FNBP1: variants seen among roughly 807,000 people sequenced by gnomAD.
The protein encoded by FNBP1 is formin binding protein 1.
In FNBP1, 26 loss-of-function variants were observed where a neutral mutation model predicts 90.6. The observed-to-expected ratio is 0.29, with a 90% CI of 0.21 to 0.40. The LOEUF is 0.40. Among genes scored for constraint, FNBP1 ranks in the 10% least tolerant of loss-of-function variants. The pLI is 1.00. For missense variants in FNBP1, 635 were observed against 768.0 expected (o/e 0.83, Z 2.05); for synonymous variants, 260 against 265.2 (o/e 0.98, Z 0.19).
At chr9:130,037,245 T>C (rs2059401296) in intron 1 of FNBP1, among the ~76,000 whole-genome samples, 1 of 151,336 alleles carries the variant, frequency 6.6e-6, no homozygotes, top group African/African-American at 2.4e-5. Context: ...CTGCAGCTAC[T>C]CAGGAGGCTG....
chr9:130,025,093 T>C (rs530588747), intron 1 of FNBP1, among the ~76,000 whole-genome samples: 4 of 151,914 alleles, frequency 2.6e-5, no homozygotes, highest in South Asian at 2.1e-4. Flanking sequence ...GGCAGGAGAA[T>C]TGCTTGAACC....
intron 15 of FNBP1, among the ~76,000 whole-genome samples, chr9:129,898,639 G>A (rs749986534): frequency 5.9e-5 from 9 of 152,058 alleles, no homozygotes; most frequent in African/African-American, 9.7e-5. Flanking sequence ...ACAGGCATGC[G>A]CTACCACGCT....
At chr9:129,995,592 A>G (rs1267753752) in intron 1 of FNBP1, among the ~76,000 whole-genome samples, 1 of 152,078 alleles carries the variant, frequency 6.6e-6, no homozygotes, top group African/African-American at 2.4e-5. Flanking sequence ...CATCTCTACA[A>G]AAACAATTTT....
intron 1 of FNBP1, among the ~76,000 whole-genome samples, chr9:130,017,730 T>G (rs2131830872): frequency 6.6e-6 from 1 of 151,588 alleles, no homozygotes; most frequent in African/African-American, 2.4e-5. Flanking sequence ...CTCTGGAGGC[T>G]AAGGCAGGAG....
At chr9:130,004,246 G>T (rs573275611) in intron 1 of FNBP1, among the ~76,000 whole-genome samples, 2 of 151,556 alleles carry the variant, frequency 1.3e-5, no homozygotes, top group South Asian at 4.2e-4. Flanking sequence ...CTGGGTGATA[G>T]GGCAAGACTC....
intron 6 of FNBP1, among the ~76,000 whole-genome samples, chr9:129,956,070 G>C (rs1044705312): frequency 2.6e-5 from 4 of 152,018 alleles, no homozygotes; most frequent in Non-Finnish European, 5.9e-5. Flanking sequence ...ATGGGGTCTC[G>C]TTATGTTGCC....
intron 1 of FNBP1, among the ~76,000 whole-genome samples, chr9:130,009,540 C>T (rs1017298285): frequency 2.0e-5 from 3 of 152,016 alleles, no homozygotes; most frequent in Admixed American, 2.0e-4. Context: ...CAATGACTCA[C>T]GCCTGTAATT....
chr9:129,909,936 C>T (rs989847821), intron 11 of FNBP1, among the ~76,000 whole-genome samples: 1 of 152,202 alleles, frequency 6.6e-6, no homozygotes, highest in Non-Finnish European at 1.5e-5. Flanking sequence ...AGAGAGAATG[C>T]CCTCCCTGAC....
Position 129,895,662 on chromosome 9 carries a change from G to A in FNBP1, c.1846+176C>T, listed in dbSNP as rs919766921. 6 of 1,277,078 alleles carry A rather than the reference G, an allele frequency of 4.7e-6. No individual in the cohort carries two copies. In the African/African-American group the frequency reaches 7.7e-5, roughly 16 times the overall value. 79.1% of individuals were successfully genotyped at this position (1,277,078 alleles called of 1,614,324 possible). ...CTTGATTACAGCCCAAACTAGACAA[G>A]GCAATTCAGGTGCCCAGACCCTGAA... is the stretch of plus-strand genomic sequence containing the variant. On this transcript the variant is annotated intron_variant, in intron 16 of 16. Transcript: ENST00000446176.
At chr9:129,933,677 C>T (rs1206758507) in intron 6 of FNBP1, 1 of 152,164 alleles carries the variant, frequency 6.6e-6, no homozygotes, top group East Asian at 1.9e-4. Flanking sequence ...AACACTGTCT[C>T]TCCAGGAGTT....
chr9:129,977,484 ATTTTT>A (rs34068585), intron 4 of FNBP1, among the ~76,000 whole-genome samples: 13 of 139,258 alleles, frequency 9.3e-5, no homozygotes, highest in Non-Finnish European at 6.3e-5. Context: ...ACAAGCACTA[ATTTTT>A]TTTTTTTTTT....
intron 2 of FNBP1, among the ~76,000 whole-genome samples, chr9:129,980,729 T>C (rs978945974): frequency 6.7e-6 from 1 of 149,502 alleles, no homozygotes; most frequent in East Asian, 2.0e-4. Context: ...TTCTCCTGGG[T>C]CCTGACTTTA....
intron 13 of FNBP1, among the ~76,000 whole-genome samples, chr9:129,901,503 C>T (rs2036935404): frequency 6.6e-6 from 1 of 152,042 alleles, no homozygotes; most frequent in African/African-American, 2.4e-5. Flanking sequence ...CACCACTGCA[C>T]TCCAGCTTGG....
intron 1 of FNBP1, among the ~76,000 whole-genome samples, chr9:130,030,871 G>A (rs543774857): frequency 2.0e-5 from 3 of 152,294 alleles, no homozygotes; most frequent in African/African-American, 7.2e-5. Flanking sequence ...AAGAGCTGGG[G>A]AACAAACCCT....
intron 10 of FNBP1, chr9:129,918,998 C>CTTTTTTT: frequency 6.5e-6 from 1 of 153,166 alleles, no homozygotes. Flanking sequence ...TTAGGCTTTT[C>CTTTTTTT]TTTTTTTTTT....
At chr9:130,011,031 G>A (rs1459981722) in intron 1 of FNBP1, among the ~76,000 whole-genome samples, 1 of 150,148 alleles carries the variant, frequency 6.7e-6, no homozygotes, top group African/African-American at 2.4e-5. Flanking sequence ...CAAACAGACA[G>A]CAGAGATGGA....
chr9:130,043,271 C>T (rs1293263054), upstream of FNBP1: 3 of 243,230 alleles, frequency 1.2e-5, no homozygotes, highest in African/African-American at 4.5e-5. Flanking sequence ...TCTGACAGCT[C>T]GCGCACGCGC....
At chr9:130,033,668 C>A (rs902083180) in intron 1 of FNBP1, among the ~76,000 whole-genome samples, 1 of 150,810 alleles carries the variant, frequency 6.6e-6, no homozygotes, top group African/African-American at 2.4e-5. Flanking sequence ...AAGACCCCCC[C>A]ACCTCTACAA....
chr9:129,999,014 C>T (rs140264107), intron 1 of FNBP1, among the ~76,000 whole-genome samples: 24 of 152,288 alleles, frequency 1.6e-4, no homozygotes, highest in African/African-American at 4.6e-4. Flanking sequence ...GATGCCCCCA[C>T]GCTCTCACTA....
Sources: allele counts gnomAD v4.1 joint callset (sites outside exome capture counted in the v4.1 genomes callset), GRCh38; gene constraint gnomAD v4.1.1; transcripts MANE v1.5; gene names NCBI Gene and HGNC (gene_info 2026-07-23, HGNC 2026-07-21).